Variants in EHD3 observed in about 807,000 individuals in gnomAD.
EHD3 encodes EH domain-containing protein 3.
EHD3 carries 17 observed loss-of-function variants against 43.0 expected under a neutral mutation model. That is an observed-to-expected ratio of 0.40 (90% confidence interval 0.27 to 0.59). The LOEUF is 0.59. Among genes scored for constraint, EHD3 ranks in the 20% least tolerant of loss-of-function variants. EHD3 has a pLI of 0.49. For missense variants in EHD3, 594 were observed against 705.6 expected, an observed-to-expected ratio of 0.84 and a Z score of 1.79; for synonymous variants, 313 against 289.5, an observed-to-expected ratio of 1.08 and a Z score of -0.82.
intron 5 of EHD3, among the ~76,000 whole-genome samples, chr2:31,263,932 T>C (rs1683897421): frequency 6.6e-6 from 1 of 152,180 alleles, no homozygotes; most frequent in Admixed American, 6.5e-5. Context: ...GTGGAAGATA[T>C]TTCTTTTATG....
chr2:31,253,195 A>G (rs1163439929), intron 3 of EHD3, among the ~76,000 whole-genome samples: 1 of 121,994 alleles, frequency 8.2e-6, no homozygotes, highest in Non-Finnish European at 1.6e-5. Context: ...CACACTCCTC[A>G]CACATATCCT....
chr2:31,261,836 A>G lies in EHD3; in HGVS notation c.1080+123A>G. ...AGAACCCCGCCCAGAATCTGCAGGC[A>G]AGGAGGTGGCCCTGGATCTACACTC... On this transcript the variant is annotated intron_variant, in intron 5 of 5. Transcript: ENST00000322054. The G allele has an allele frequency of 1.3e-5, 14 of 1,073,814 alleles. No homozygotes were observed. The South Asian group carries it at 1.5e-4, about 11-fold the overall frequency. The allele number at this position is 1,073,814 out of a possible 1,614,324, so 66.5% of individuals were successfully genotyped here. A position where few individuals can be genotyped will look rare whatever the true frequency, so the allele number is the denominator to read the frequency against.
chr2:31,261,079 G>A (rs1683846300), intron 4 of EHD3, among the ~76,000 whole-genome samples, 157 bp downstream of exon 4: 1 of 152,232 alleles, frequency 6.6e-6, no homozygotes, highest in African/African-American at 2.4e-5. Flanking sequence ...AAGCTCTCAG[G>A]TCAGATGGCC....
At chr2:31,258,311 C>T (rs540729698) in intron 3 of EHD3, among the ~76,000 whole-genome samples, 10 of 152,164 alleles carry the variant, frequency 6.6e-5, no homozygotes, top group African/African-American at 2.2e-4. Context: ...TTTTCCCGAC[C>T]GTCTGATCCC....
Position 31,234,406 on chromosome 2 carries a change from TGCTGGATGCAGCAGCG to T in EHD3, c.-210_-195del. 1 of 582,906 alleles carries T rather than the reference TGCTGGATGCAGCAGCG, an allele frequency of 1.7e-6. No individual in the cohort carries two copies. The highest frequency in any genetic ancestry group is 3.0e-6 in the Non-Finnish European group (1 of 328,498). The allele number at this position is 582,906 out of a possible 1,614,324, so 36.1% of individuals were successfully genotyped here. On this transcript the variant is annotated 5_prime_UTR_variant, in exon 1 of 6. It removes an upstream start codon present in the reference 5' UTR. Transcript: ENST00000322054. Reference sequence around the variant, plus strand: ...TATTTATCCTCCCTCCGGCCTGGGCTGCTGGATGCAGCAGCGGCTGGGCTTGGTCCCAGGAGCAGGG... The same window carrying T: ...TATTTATCCTCCCTCCGGCCTGGGCTGCTGGGCTTGGTCCCAGGAGCAGGG...
At chr2:31,242,962 A>G (rs1168568396) in intron 1 of EHD3, among the ~76,000 whole-genome samples, 1 of 151,198 alleles carries the variant, frequency 6.6e-6, no homozygotes, top group Non-Finnish European at 1.5e-5. Context: ...CTCCGTCTCA[A>G]ATAATAAATA....
intron 3 of EHD3, among the ~76,000 whole-genome samples, chr2:31,258,867 T>C (rs911845816): frequency 1.3e-5 from 2 of 151,838 alleles, no homozygotes; most frequent in African/African-American, 4.9e-5. Context: ...AATCAGAAAC[T>C]TTGGGGATAG....
chr2:31,249,532 A>G, intron 3 of EHD3, 64 bp downstream of exon 3: 13 of 1,467,268 alleles, frequency 8.9e-6, no homozygotes, highest in Non-Finnish European at 1.2e-5. Flanking sequence ...TCAGTCTCTT[A>G]CATACCAGAA....
At position 31,247,799 on chromosome 2, in the gene EHD3, A is replaced by C. The variant is rs892197962; in HGVS notation, c.405-1572A>C. ...GTGGGAAAGTTGGCATTTGACCCTG[A>C]CATTAAATGATGAGTGAAGTGGCAC... On this transcript the variant is annotated intron_variant, in intron 2 of 5. Coordinates refer to ENST00000322054, the MANE Select transcript of EHD3 (RefSeq NM_014600.3). Among the ~76,000 whole-genome samples, 12 of 152,184 alleles carry C rather than the reference A, an allele frequency of 7.9e-5. No homozygotes were observed. In the East Asian group the frequency reaches 2.3e-3, roughly 29 times the overall value.
chr2:31,257,272 C>T (rs1248402334), intron 3 of EHD3, among the ~76,000 whole-genome samples: 2 of 152,202 alleles, frequency 1.3e-5, no homozygotes, highest in Admixed American at 6.5e-5. Flanking sequence ...GCAGCCTTGC[C>T]ATGCGCTGTG....
At chr2:31,243,452 C>CTTTTTTT (rs1266371746) in intron 1 of EHD3, among the ~76,000 whole-genome samples, 8 of 34,822 alleles carry the variant, frequency 2.3e-4, no homozygotes, top group African/African-American at 5.7e-4. Context: ...TTCTTTCTTT[C>CTTTTTTT]TTTCTTTCTT....
chr2:31,244,001 C>T (rs149055473), intron 1 of EHD3, among the ~76,000 whole-genome samples: 1 of 152,180 alleles, frequency 6.6e-6, no homozygotes, highest in East Asian at 1.9e-4. Flanking sequence ...CCAAACCTTG[C>T]TCCTTCTACC....
chr2:31,252,244 A>T (rs1683649129), intron 3 of EHD3, among the ~76,000 whole-genome samples: 1 of 152,184 alleles, frequency 6.6e-6, no homozygotes, highest in Non-Finnish European at 1.5e-5. Context: ...CACGGGCCAT[A>T]GCCCTGGGTC....
At chr2:31,261,824 G>GGTTTTT in intron 5 of EHD3, 111 bp downstream of exon 5, 1 of 1,309,098 alleles carries the variant, frequency 7.6e-7, no homozygotes, top group South Asian at 1.5e-5. Flanking sequence ...ACCCCGCCCA[G>GGTTTTT]AATCTGCAGG....
chr2:31,246,596 T>A (rs1683528737), intron 2 of EHD3, among the ~76,000 whole-genome samples: 2 of 151,424 alleles, frequency 1.3e-5, no homozygotes, highest in Non-Finnish European at 2.9e-5. Context: ...TAGCCTATTA[T>A]GATAACAGAA....
intron 5 of EHD3, among the ~76,000 whole-genome samples, chr2:31,264,104 G>A (rs1445324930): frequency 6.6e-6 from 1 of 152,162 alleles, no homozygotes. Flanking sequence ...TTTTGTCATT[G>A]TGTGTGAACA....
At position 31,266,776 on chromosome 2, in the gene EHD3, A is replaced by G; in HGVS notation, c.*72A>G. On this transcript the variant is annotated 3_prime_UTR_variant, in exon 6 of 6. Transcript: ENST00000322054. The surrounding 1 kb of genome is among the most constrained non-coding windows in gnomAD (Gnocchi z 5.1). Reference sequence around the variant, plus strand: ...GAGCGGTGACTACACACACACACACACACACACACACACACACAAACATGC... The same window carrying G: ...GAGCGGTGACTACACACACACACACGCACACACACACACACACAAACATGC... 7.0e-7 allele frequency: 1 copy of G among 1,419,812 alleles called. No individual in the cohort carries two copies. Among genetic ancestry groups the G allele is most frequent in the Non-Finnish European group, 9.5e-7 (1 of 1,056,926 alleles). 88.0% of individuals were successfully genotyped at this position (1,419,812 alleles called of 1,614,324 possible).
At chr2:31,247,157 A>G (rs1206371739) in intron 2 of EHD3, among the ~76,000 whole-genome samples, 2 of 152,208 alleles carry the variant, frequency 1.3e-5, no homozygotes, top group African/African-American at 4.8e-5. Flanking sequence ...TTGGCCTCCC[A>G]AAGTGCTGGG....
intron 3 of EHD3, among the ~76,000 whole-genome samples, chr2:31,256,336 G>A (rs1378272802): frequency 1.3e-5 from 2 of 152,172 alleles, no homozygotes; most frequent in African/African-American, 2.4e-5. Flanking sequence ...ATAACCCTAC[G>A]ACTGAGTCAC....
Sources: gnomAD v4.1 joint callset for allele counts (sites outside exome capture counted in the v4.1 genomes callset) on GRCh38, gnomAD v4.1.1 for gene constraint, Gnocchi (gnomAD v3.1) non-coding constraint, MANE v1.5 for transcripts, NCBI Gene and HGNC (gene_info 2026-07-23, HGNC 2026-07-21) for gene names.